Variants in ITSN1 observed in about 807,000 individuals in gnomAD.
The protein encoded by ITSN1 is intersectin-1.
Under a neutral mutation model 239.8 loss-of-function variants are expected in ITSN1, and 58 were observed. The observed-to-expected ratio is 0.24, with a 90% CI of 0.20 to 0.30. The LOEUF (loss-of-function observed/expected upper bound fraction) is 0.30, where lower values mean the gene tolerates loss of function less well. Ranked by LOEUF, ITSN1 falls within the 10% of genes least tolerant of loss-of-function variation. ITSN1 has a pLI of 1.00. For missense variants in ITSN1, 1,558 were observed against 2,103.3 expected, an observed-to-expected ratio of 0.74 and a Z score of 5.07; for synonymous variants, 780 against 770.8, an observed-to-expected ratio of 1.01 and a Z score of -0.20.
In ITSN1 at chr21:33,818,409, A is replaced by G. The variant is rs1311575417; in HGVS notation, c.2870A>G (p.Gln957Arg). 1 of 1,614,122 alleles carries G rather than the reference A, an allele frequency of 6.2e-7. No homozygotes were observed. Among genetic ancestry groups the G allele is most frequent in the East Asian group, 2.2e-5 (1 of 44,894 alleles). ...DMWWFGEVQG[Q>R]KGWFPKSYVK... ...TGGTGGTTTGGAGAAGTTCAAGGTC[A>G]GAAGGGTTGGTTCCCCAAGTCTTAC... The change falls in exon 23 of 40, where the codon CAG (glutamine) becomes CGG (arginine). Residue 957 changes from glutamine (Q) to arginine (R), a missense_variant. Transcript: ENST00000381318.
chr21:33,727,098 A>G (rs1253990399), intron 4 of ITSN1, among the ~76,000 whole-genome samples: 1 of 152,102 alleles, frequency 6.6e-6, no homozygotes, highest in Non-Finnish European at 1.5e-5. Flanking sequence ...TAATTCTCGG[A>G]GGATGGAGTC....
At chr21:33,866,729 C>T (rs1002648029) in intron 32 of ITSN1, among the ~76,000 whole-genome samples, 7 of 152,164 alleles carry the variant, frequency 4.6e-5, no homozygotes, top group Admixed American at 1.3e-4. Context: ...TCTTGACCCC[C>T]GTTGTCTGAG....
intron 1 of ITSN1, among the ~76,000 whole-genome samples, chr21:33,653,217 A>T (rs2088707211): frequency 6.6e-6 from 1 of 151,698 alleles, no homozygotes; most frequent in East Asian, 2.0e-4. Context: ...CTGATCTCGA[A>T]CTCCTCACTT....
intron 5 of ITSN1, among the ~76,000 whole-genome samples, chr21:33,742,666 G>C (rs952147927): frequency 3.9e-5 from 6 of 152,082 alleles, no homozygotes; most frequent in Non-Finnish European, 8.8e-5. Flanking sequence ...CTTCCTTTTG[G>C]GACAGGGCTT....
intron 34 of ITSN1, among the ~76,000 whole-genome samples, chr21:33,875,840 C>G (rs929037451): frequency 6.6e-6 from 1 of 152,152 alleles, no homozygotes; most frequent in African/African-American, 2.4e-5. Context: ...GCCACTACAC[C>G]CGGCTAATTT....
chr21:33,875,610 C>A, intron 34 of ITSN1, 89 bp downstream of exon 34: 1 of 1,260,462 alleles, frequency 7.9e-7, no homozygotes, highest in South Asian at 1.4e-5. Flanking sequence ...ATGAACCATT[C>A]TCCTCCCCAG....
intron 26 of ITSN1, 143 bp from the exon 27 acceptor site, chr21:33,829,481 G>A (rs1196463839): frequency 1.2e-6 from 1 of 825,888 alleles, no homozygotes; most frequent in East Asian, 2.5e-5. Context: ...GATTCAGGGA[G>A]CCTTACTCGT....
chr21:33,884,497 G>A (rs1261715521), intron 36 of ITSN1, among the ~76,000 whole-genome samples: 1 of 152,174 alleles, frequency 6.6e-6, no homozygotes, highest in Non-Finnish European at 1.5e-5. Context: ...CACAAGGCCA[G>A]CATCATTCCA....
At chr21:33,798,264 A>ATT (rs200619178) in intron 18 of ITSN1, among the ~76,000 whole-genome samples, 101 of 142,414 alleles carry the variant, frequency 7.1e-4, no homozygotes, top group African/African-American at 2.1e-3. Flanking sequence ...TGCCCAGCTA[A>ATT]TTTTTTTTTT....
rs185728660 is a variant in ITSN1 at position 33,719,466 on chromosome 21, C to G, written c.28+610C>G. 1.3e-3 allele frequency among the ~76,000 whole-genome samples: 192 copies of G among 152,194 alleles called. 1 individual carries two copies. The highest frequency in any genetic ancestry group is 4.3e-3 in the African/African-American group (179 of 41,538). On this transcript the variant is annotated intron_variant, in intron 2 of 39. Transcript: ENST00000381318. ...TAAATAAACAAACAAACAAACAATA[C>G]CATATTATTGTACCTGTAAAATGTT... is the stretch of plus-strand genomic sequence containing the variant.
rs886101588 is a variant in ITSN1 at position 33,898,848 on chromosome 21, G to A, written c.*10548G>A. 6.6e-6 allele frequency: 1 copy of A among 152,260 alleles called. No individual in the cohort carries two copies. Among genetic ancestry groups the A allele is most frequent in the Non-Finnish European group, 1.5e-5 (1 of 68,052 alleles). The allele number at this position is 152,260 out of a possible 1,614,324, so 9.4% of individuals were successfully genotyped here. A position where few individuals can be genotyped will look rare whatever the true frequency, so the allele number is the denominator to read the frequency against. On this transcript the variant is annotated 3_prime_UTR_variant, in exon 40 of 40. Coordinates refer to ENST00000381318, the MANE Select transcript of ITSN1 (RefSeq NM_003024.3). ...ACCAGTAAAGCTGCTGACTTCAGGA[G>A]TATGGGAAGCTGTGATTTCTGGAAG...
At chr21:33,812,087 C>A (rs946347862) in intron 21 of ITSN1, among the ~76,000 whole-genome samples, 3 of 152,120 alleles carry the variant, frequency 2.0e-5, no homozygotes, top group Non-Finnish European at 4.4e-5. Context: ...GTTTTTCATA[C>A]TTTATTTTCA....
intron 29 of ITSN1, among the ~76,000 whole-genome samples, chr21:33,853,882 G>A (rs950787864): frequency 2.6e-5 from 4 of 152,172 alleles, no homozygotes; most frequent in Admixed American, 2.0e-4. Flanking sequence ...CAACATGGTG[G>A]GGAAGAGCAC....
At chr21:33,713,067 A>AG (rs1234910219) in intron 1 of ITSN1, among the ~76,000 whole-genome samples, 3 of 151,632 alleles carry the variant, frequency 2.0e-5, no homozygotes, top group Admixed American at 2.0e-4. Flanking sequence ...TATTAGAGAC[A>AG]GGGTTTTATC....
At chr21:33,806,130 G>A (rs1302768303) in intron 20 of ITSN1, among the ~76,000 whole-genome samples, 1 of 151,018 alleles carries the variant, frequency 6.6e-6, no homozygotes, top group Non-Finnish European at 1.5e-5. Flanking sequence ...AGAATGGCAT[G>A]AACCCGGGAG....
At chr21:33,719,970 A>G (rs2065385131) in intron 2 of ITSN1, among the ~76,000 whole-genome samples, 1 of 152,242 alleles carries the variant, frequency 6.6e-6, no homozygotes, top group African/African-American at 2.4e-5. Context: ...CTTGTCATGA[A>G]GAGAGTAAAA....
chr21:33,754,682 T>G (rs1279309869), intron 7 of ITSN1, among the ~76,000 whole-genome samples: 1 of 152,184 alleles, frequency 6.6e-6, no homozygotes, highest in African/African-American at 2.4e-5. Flanking sequence ...AGATCAGTAT[T>G]GGATTGTAGT....
At chr21:33,820,872 T>C (rs1026157141) in intron 24 of ITSN1, among the ~76,000 whole-genome samples, 2 of 152,186 alleles carry the variant, frequency 1.3e-5, no homozygotes, top group African/African-American at 4.8e-5. Flanking sequence ...AAAAAAACTT[T>C]GGTGTGTTAC....
chr21:33,688,875 TGCAGTG>T (rs2091376207), intron 1 of ITSN1, among the ~76,000 whole-genome samples: 1 of 151,228 alleles, frequency 6.6e-6, no homozygotes. Context: ...GGTGCAGTGG[TGCAGTG>T]GCACGATCTC....
Sources: allele counts gnomAD v4.1 joint callset (sites outside exome capture counted in the v4.1 genomes callset), GRCh38; gene constraint gnomAD v4.1.1; transcripts MANE v1.5; gene names NCBI Gene and HGNC (gene_info 2026-07-23, HGNC 2026-07-21).